Variants in NOL4 observed in about 807,000 individuals in gnomAD.
NOL4 encodes the protein cancer/testis antigen 125.
Under a neutral mutation model 75.9 loss-of-function variants are expected in NOL4, and 17 were observed. That is an observed-to-expected ratio of 0.22 (90% CI 0.15 to 0.34). The LOEUF is 0.34. Among genes scored for constraint, NOL4 ranks in the 10% least tolerant of loss-of-function variants. The pLI is 1.00. For synonymous variants in NOL4, 292 were observed against 289.9 expected (o/e 1.01, Z -0.07); for missense variants, 614 against 793.5 (o/e 0.77, Z 2.72).
chr18:33,906,797 G>A lies in NOL4; in HGVS notation c.1543-23373C>T, dbSNP rs551633951. ...ATCAAAAGTAAAGGAGAAAAAAGAT[G>A]ATATTTTCCTTTTCCACACCCTTAG... is the stretch of plus-strand genomic sequence containing the variant. On this transcript the variant is annotated intron_variant, in intron 9 of 10. Coordinates refer to ENST00000261592, the MANE Select transcript of NOL4 (RefSeq NM_003787.5). Among the ~76,000 whole-genome samples, 89 of 152,110 alleles carry A rather than the reference G, an allele frequency of 5.9e-4. 1 individual carries two copies. Among genetic ancestry groups the A allele is most frequent in the African/African-American group, 1.9e-3 (81 of 41,540 alleles).
chr18:33,862,479 C>A (rs552588445), intron 10 of NOL4, among the ~76,000 whole-genome samples: 62 of 151,878 alleles, frequency 4.1e-4, no homozygotes, highest in Admixed American at 7.9e-4. Context: ...CAGAGTGAAC[C>A]GGCAACGCAC....
chr18:33,968,683 C>T (rs1321757377), intron 6 of NOL4, among the ~76,000 whole-genome samples: 1 of 152,134 alleles, frequency 6.6e-6, no homozygotes, highest in African/African-American at 2.4e-5. Context: ...GTACTATGCT[C>T]ACTACCTGTG....
chr18:33,892,584 T>C (rs16965017), intron 9 of NOL4, among the ~76,000 whole-genome samples: 2,184 of 152,258 alleles, frequency 0.014, 53 homozygotes, highest in African/African-American at 0.049. Context: ...TTCACATCAT[T>C]ACAAGGCAAT....
chr18:34,015,774 G>A (rs149343116), intron 6 of NOL4, among the ~76,000 whole-genome samples: 110 of 152,150 alleles, frequency 7.2e-4, no homozygotes, highest in African/African-American at 2.3e-3. Flanking sequence ...CATGTGCACC[G>A]TAAACTACAC....
At chr18:34,173,818 G>T (rs1454639791) in intron 1 of NOL4, among the ~76,000 whole-genome samples, 1 of 152,118 alleles carries the variant, frequency 6.6e-6, no homozygotes, top group African/African-American at 2.4e-5. Context: ...TCTTGGCAGT[G>T]CCATGTGTTG....
intron 5 of NOL4, among the ~76,000 whole-genome samples, chr18:34,087,918 T>C (rs2078321145): frequency 6.6e-6 from 1 of 152,004 alleles, no homozygotes; most frequent in Admixed American, 6.6e-5. Context: ...GATTTCTTAA[T>C]AGCTTTTATA....
chr18:34,093,303 T>A (rs776794651), intron 5 of NOL4, among the ~76,000 whole-genome samples, 162 bp downstream of exon 5: 1 of 152,122 alleles, frequency 6.6e-6, no homozygotes, highest in Non-Finnish European at 1.5e-5. Context: ...TAAAAAATAG[T>A]GAAGTGGATG....
intron 2 of NOL4, among the ~76,000 whole-genome samples, chr18:34,124,129 A>C (rs982607065): frequency 6.6e-6 from 1 of 152,162 alleles, no homozygotes; most frequent in Non-Finnish European, 1.5e-5. Flanking sequence ...GCAGGAACCT[A>C]TATTTGTCTG....
intron 9 of NOL4, among the ~76,000 whole-genome samples, chr18:33,908,872 G>A (rs973877419): frequency 3.9e-5 from 6 of 152,052 alleles, no homozygotes; most frequent in African/African-American, 1.2e-4. Context: ...AAAATACTAT[G>A]CTCTTTGTTA....
chr18:34,015,182 A>G (rs146522280), intron 6 of NOL4, among the ~76,000 whole-genome samples: 91 of 152,126 alleles, frequency 6.0e-4, no homozygotes, highest in African/African-American at 2.0e-3. Context: ...CGGGAATCCT[A>G]GAGCACTCTA....
intron 1 of NOL4, among the ~76,000 whole-genome samples, chr18:34,166,656 A>G (rs2032370385): frequency 6.6e-6 from 1 of 152,144 alleles, no homozygotes; most frequent in Non-Finnish European, 1.5e-5. Context: ...TAATTTACAT[A>G]CAGTTGACCT....
chr18:33,895,977 A>G (rs1599782387), intron 9 of NOL4, among the ~76,000 whole-genome samples: 1 of 152,132 alleles, frequency 6.6e-6, no homozygotes, highest in Non-Finnish European at 1.5e-5. Context: ...GAATCAATGT[A>G]CAAAACACTA....
At position 34,113,848 on chromosome 18, in the gene NOL4, A is replaced by T. The variant is rs907030684; in HGVS notation, c.415-8688T>A. On this transcript the variant is annotated intron_variant, in intron 2 of 10. Coordinates refer to ENST00000261592, the MANE Select transcript of NOL4 (RefSeq NM_003787.5). Reference sequence around the variant, plus strand: ...GAGGCCTATGTTAAGTACCTCTATGACTCTTACCCTAATGAAAGGCCTGTT... The same window carrying T: ...GAGGCCTATGTTAAGTACCTCTATGTCTCTTACCCTAATGAAAGGCCTGTT... Among the ~76,000 whole-genome samples, 3 of 152,046 alleles carry T rather than the reference A, an allele frequency of 2.0e-5. No individual in the cohort carries two copies. The East Asian group carries it at 5.8e-4, about 29-fold the overall frequency.
chr18:33,953,737 G>A (rs987752873), intron 8 of NOL4, among the ~76,000 whole-genome samples: 3 of 152,096 alleles, frequency 2.0e-5, no homozygotes, highest in African/African-American at 4.8e-5. Context: ...TATAATTATT[G>A]CCCTAGTGTC....
At chr18:33,915,740 C>T (rs961714354) in intron 9 of NOL4, among the ~76,000 whole-genome samples, 1 of 151,966 alleles carries the variant, frequency 6.6e-6, no homozygotes, top group Non-Finnish European at 1.5e-5. Context: ...GTGAATATTA[C>T]AGAACAACAG....
chr18:34,159,686 C>T (rs2031139064), intron 1 of NOL4, among the ~76,000 whole-genome samples: 1 of 152,170 alleles, frequency 6.6e-6, no homozygotes, highest in Admixed American at 6.5e-5. Flanking sequence ...ACCCGACCAA[C>T]GGCAGCACAC....
At chr18:33,901,848 G>C (rs892005335) in intron 9 of NOL4, among the ~76,000 whole-genome samples, 1 of 152,016 alleles carries the variant, frequency 6.6e-6, no homozygotes, top group South Asian at 2.1e-4. Flanking sequence ...TAGGTGATAT[G>C]GAGATTATTT....
In NOL4 at chr18:33,877,889, A is replaced by G. The variant is rs1162667332; in HGVS notation, c.1723+5355T>C. On this transcript the variant is annotated intron_variant, in intron 10 of 10. Transcript: ENST00000261592. ...ATGCTTCAGAGGTTAAATTGAGGAT[A>G]CTATGAGAGTGTATATCTATACTTC... Among the ~76,000 whole-genome samples, 4 of 151,862 alleles carry G rather than the reference A, an allele frequency of 2.6e-5. No homozygotes were observed. The East Asian group carries it at 5.8e-4, about 22-fold the overall frequency.
intron 1 of NOL4, among the ~76,000 whole-genome samples, chr18:34,146,506 T>C (rs1190503492): frequency 3.3e-5 from 5 of 152,160 alleles, no homozygotes; most frequent in Non-Finnish European, 7.3e-5. Flanking sequence ...TGCTTGTTTT[T>C]GTCAGCTTTG....
Sources: allele counts gnomAD v4.1 joint callset (sites outside exome capture counted in the v4.1 genomes callset), GRCh38; gene constraint gnomAD v4.1.1; transcripts MANE v1.5; gene names NCBI Gene and HGNC (gene_info 2026-07-23, HGNC 2026-07-21).